PLEKHA6: variants seen among roughly 807,000 people sequenced by gnomAD.
The protein encoded by PLEKHA6 is pleckstrin homology domain-containing family A member 6.
PLEKHA6 carries 60 observed loss-of-function variants against 116.7 expected under a neutral mutation model. That is an observed-to-expected ratio of 0.51 (90% CI 0.42 to 0.64). The LOEUF is 0.64. Among genes scored for constraint, PLEKHA6 ranks in the 30% least tolerant of loss-of-function variants. The pLI is 0.00. For synonymous variants in PLEKHA6, 489 were observed against 556.1 expected, an observed-to-expected ratio of 0.88 and a Z score of 1.70; for missense variants, 1,338 against 1,422.7, an observed-to-expected ratio of 0.94 and a Z score of 0.96.
chr1:204,248,957 C>T lies in PLEKHA6; in HGVS notation c.1688G>A (p.Ser563Asn), dbSNP rs779627410. 1 of 1,614,036 alleles carries T rather than the reference C, an allele frequency of 6.2e-7. No individual in the cohort carries two copies. The highest frequency in any genetic ancestry group is 2.2e-5 in the East Asian group (1 of 44,890). ...CTCCTGGTGGGTCCCCATCAAGGCA[C>T]TTTCCAGGCTCTCCTGAAGAAAGGC... is the stretch of plus-strand genomic sequence containing the variant. Reference protein sequence around the residue: ...QLRAEKESLESALMGTHQELE... With the variant: ...QLRAEKESLENALMGTHQELE... Residue 563 changes from serine to asparagine, a missense_variant, in exon 12 of 23, where the codon AGT (serine) becomes AAT (asparagine). By Grantham distance (46) the Ser-to-Asn change is conservative. This residue lies in a region of PLEKHA6 where 1,136 missense variants were observed against 1,163.6 expected (regional missense o/e 0.98). Coordinates refer to ENST00000272203, the MANE Select transcript of PLEKHA6 (RefSeq NM_014935.5).
At chr1:204,308,687 C>CTTTTTT (rs60251937) in intron 1 of PLEKHA6, among the ~76,000 whole-genome samples, 1,978 of 81,326 alleles carry the variant, frequency 0.024, 337 homozygotes, top group African/African-American at 0.086. Flanking sequence ...TTTTCTTTTT[C>CTTTTTT]TTTTTTTTTT....
rs774256615 is a variant in PLEKHA6 at position 204,259,276 on chromosome 1, G to A, written c.989C>T (p.Pro330Leu). Residue 330 changes from proline (P) to leucine (L), a missense_variant, in exon 8 of 23, where the codon CCG becomes CTG. Pro to Leu is a moderately conservative substitution (Grantham distance 98, BLOSUM62 -3). This residue lies in a region of PLEKHA6 where 1,136 missense variants were observed against 1,163.6 expected (regional missense o/e 0.98). Coordinates refer to ENST00000272203, the MANE Select transcript of PLEKHA6 (RefSeq NM_014935.5). This position sits in a 1 kb window ranked among gnomAD's most constrained non-coding sequence, Gnocchi z 4.6. Reference protein sequence around the residue: ...QWVNLRRGVPPPEDLRSPSRF... With the variant: ...QWVNLRRGVPLPEDLRSPSRF... ...GCCTCACCTCCGAAGGTCTTCAGGCGGGGGTACCCCCCGGCGCAGATTCAC... is the reference window on the plus strand; with the variant it reads ...GCCTCACCTCCGAAGGTCTTCAGGCAGGGGTACCCCCCGGCGCAGATTCAC... 37 of 1,613,502 alleles carry A rather than the reference G, an allele frequency of 2.3e-5. No individual in the cohort carries two copies. The highest frequency in any genetic ancestry group is 5.0e-5 in the Admixed American group (3 of 60,004).
intron 1 of PLEKHA6, among the ~76,000 whole-genome samples, chr1:204,341,551 A>C (rs1672847198): frequency 6.6e-6 from 1 of 152,222 alleles, no homozygotes; most frequent in Non-Finnish European, 1.5e-5. Context: ...TGCTGGCTAA[A>C]TAAATGAATG....
At chr1:204,377,034 A>T (rs1408516982) in intron 1 of PLEKHA6, among the ~76,000 whole-genome samples, 3 of 152,208 alleles carry the variant, frequency 2.0e-5, no homozygotes, top group Admixed American at 1.3e-4. Flanking sequence ...TGCCAAACAT[A>T]CAGTGGGCAT....
At chr1:204,327,474 G>T (rs943559349) in intron 1 of PLEKHA6, among the ~76,000 whole-genome samples, 1 of 152,244 alleles carries the variant, frequency 6.6e-6, no homozygotes, top group Non-Finnish European at 1.5e-5. Flanking sequence ...CCTTCTGGGA[G>T]CCCCTTCTTG....
intron 1 of PLEKHA6, among the ~76,000 whole-genome samples, chr1:204,310,421 C>T (rs1671614552): frequency 6.6e-6 from 1 of 152,142 alleles, no homozygotes; most frequent in South Asian, 2.1e-4. Flanking sequence ...GTCTCTCATC[C>T]CAACAGCAGT....
rs1472015778 is a variant in PLEKHA6, at chr1:204,241,456, T to C, written c.2328A>G (p.Lys776=). ...GGGTCACCTCATCATCAGTGGGCGA[T>C]TTTGTCCGAGGGGGCACAACGCCAA... ...NKVGVVPPRT[K]SPTDDEVTPS... Residue 776 remains lysine, a synonymous_variant, in exon 17 of 23, where the codon AAA becomes AAG. Transcript: ENST00000272203. 1 of 1,607,720 alleles carries C rather than the reference T, an allele frequency of 6.2e-7. No homozygotes were observed. The highest frequency in any genetic ancestry group is 8.5e-7 in the Non-Finnish European group (1 of 1,177,038).
Position 204,277,397 on chromosome 1 carries a change from C to T in PLEKHA6, c.-94-2588G>A, listed in dbSNP as rs140605064. On this transcript the variant is annotated intron_variant, in intron 1 of 22. Coordinates refer to ENST00000272203, the MANE Select transcript of PLEKHA6 (RefSeq NM_014935.5). The surrounding 1 kb of genome is among the most constrained non-coding windows in gnomAD (Gnocchi z 4.1). ...GCTGAAATGGAGAGACAGGCATACA[C>T]GGAGCAGGTGTAGCACTCCCAGGTA... is the stretch of plus-strand genomic sequence containing the variant. Among the ~76,000 whole-genome samples the T allele has an allele frequency of 1.3e-5, 2 of 152,284 alleles. No homozygotes were observed. Among genetic ancestry groups the T allele is most frequent in the African/African-American group, 2.4e-5 (1 of 41,562 alleles).
rs138741377 is a variant in PLEKHA6 at position 204,312,841 on chromosome 1, A to ATTTTCTTTTCTTTTCTTTTC, written c.-94-38052_-94-38033dup. The stretch of plus-strand genomic sequence containing the variant: ...GCATTTGCATCAAGGCCCTTAGCCC[A>ATTTTCTTTTCTTTTCTTTTC]TTTTCTTTTCTTTTCTTTTCTTTTC... On this transcript the variant is annotated intron_variant, in intron 1 of 22. Transcript: ENST00000272203. 4.6e-3 allele frequency among the ~76,000 whole-genome samples: 649 copies of ATTTTCTTTTCTTTTCTTTTC among 140,590 alleles called. 10 individuals carry two copies. The highest frequency in any genetic ancestry group is 0.012 in the African/African-American group (444 of 37,450). 92.2% of individuals were successfully genotyped at this position (140,590 alleles called of 152,430 possible). A position where few individuals can be genotyped will look rare whatever the true frequency, so the allele number is the denominator to read the frequency against.
chr1:204,351,195 G>T (rs1312264289), intron 1 of PLEKHA6, among the ~76,000 whole-genome samples: 2 of 152,184 alleles, frequency 1.3e-5, no homozygotes, highest in African/African-American at 4.8e-5. Context: ...AGGGGGAGTG[G>T]GGTGTGGCGG....
chr1:204,315,763 C>T (rs1671834245), intron 1 of PLEKHA6, among the ~76,000 whole-genome samples: 1 of 152,146 alleles, frequency 6.6e-6, no homozygotes, highest in South Asian at 2.1e-4. Flanking sequence ...ACCATCCTCC[C>T]GTGACAGGCA....
chr1:204,315,252 C>G (rs772904896), intron 1 of PLEKHA6, among the ~76,000 whole-genome samples: 5 of 152,276 alleles, frequency 3.3e-5, no homozygotes, highest in Admixed American at 6.5e-5. Context: ...GACTCTCTTG[C>G]TCAGAAATCC....
chr1:204,324,497 T>C (rs1361790848), intron 1 of PLEKHA6, among the ~76,000 whole-genome samples: 3 of 152,148 alleles, frequency 2.0e-5, no homozygotes, highest in Non-Finnish European at 4.4e-5. Flanking sequence ...CAGCTCGTGA[T>C]GAGACAGAAA....
At chr1:204,262,727 G>A (rs961470788) in intron 6 of PLEKHA6, among the ~76,000 whole-genome samples, 4 of 152,168 alleles carry the variant, frequency 2.6e-5, no homozygotes, top group Non-Finnish European at 5.9e-5. Flanking sequence ...CTTTCTGACA[G>A]GAGCCATTAC....
intron 1 of PLEKHA6, among the ~76,000 whole-genome samples, chr1:204,349,282 T>A (rs2103355071): frequency 6.6e-6 from 1 of 152,304 alleles, no homozygotes; most frequent in African/African-American, 2.4e-5. Context: ...CTCACGCCTA[T>A]AATCCCAGCA....
At chr1:204,265,072 T>TGC in intron 5 of PLEKHA6, 30 bp from the exon 6 acceptor site, 1 of 1,422,560 alleles carries the variant, frequency 7.0e-7, no homozygotes, top group Non-Finnish European at 9.8e-7. Context: ...AAGAAGGGTG[T>TGC]GTGTGTGTGT....
At chr1:204,263,200 G>C (rs906788721) in intron 6 of PLEKHA6, among the ~76,000 whole-genome samples, 1 of 152,224 alleles carries the variant, frequency 6.6e-6, no homozygotes, top group African/African-American at 2.4e-5. Flanking sequence ...AAGGCAGAGG[G>C]CCTGGGAAAA....
At chr1:204,325,974 TGCCCA>T in intron 1 of PLEKHA6, 1 of 892,362 alleles carries the variant, frequency 1.1e-6, no homozygotes, top group Non-Finnish European at 1.3e-6. Context: ...AGAGTCCCTC[TGCCCA>T]CAGCAAGCCC....
chr1:204,265,723 C>T (rs1227525062), intron 5 of PLEKHA6, among the ~76,000 whole-genome samples: 1 of 152,224 alleles, frequency 6.6e-6, no homozygotes, highest in African/African-American at 2.4e-5. Context: ...CTCCCTGGCA[C>T]TCAGAGCCTG....
Sources: allele counts gnomAD v4.1 joint callset (sites outside exome capture counted in the v4.1 genomes callset), GRCh38; gene constraint gnomAD v4.1.1; regional missense constraint gnomAD v4.1.1; non-coding constraint Gnocchi (gnomAD v3.1); transcripts MANE v1.5; gene names NCBI Gene and HGNC (gene_info 2026-07-23, HGNC 2026-07-21).